The following B3GLCT variants were observed in gnomAD, a reference collection of about 807,000 sequenced individuals.
The protein encoded by B3GLCT is beta-1,3-glucosyltransferase.
Under a neutral mutation model 63.4 loss-of-function variants are expected in B3GLCT, and 65 were observed. That is an observed-to-expected ratio of 1.03 (90% confidence interval 0.84 to 1.26). B3GLCT has a LOEUF of 1.26. B3GLCT is among the 50% of genes most tolerant of loss of function. The probability of loss-of-function intolerance (pLI) is 0.00; values close to 1 mark genes in which losing one functional copy is unlikely to be tolerated. For synonymous variants in B3GLCT, 233 were observed against 219.2 expected, an observed-to-expected ratio of 1.06 and a Z score of -0.55; for missense variants, 577 against 604.8, an observed-to-expected ratio of 0.95 and a Z score of 0.48.
At chr13:31,250,466 C>T (rs530070628) in intron 6 of B3GLCT, among the ~76,000 whole-genome samples, 49 of 152,246 alleles carry the variant, frequency 3.2e-4, no homozygotes, top group Non-Finnish European at 5.4e-4. Flanking sequence ...GGAGCCACCA[C>T]ACCTGGCCTA....
chr13:31,235,087 T>A (rs1870581154), intron 4 of B3GLCT, among the ~76,000 whole-genome samples: 1 of 151,850 alleles, frequency 6.6e-6, no homozygotes, highest in Non-Finnish European at 1.5e-5. Context: ...TGGATCTGGC[T>A]GGGGGTGGCG....
At position 31,298,617 on chromosome 13, in the gene B3GLCT, ATTTCTC is replaced by A. The variant is rs144557620; in HGVS notation, c.1064+11806_1064+11811del. ...ATTCATTCCTTTACCCTCAACTACT[ATTTCTC>A]TTTCTCTCCGTTAATACCCAAATGT... On this transcript the variant is annotated intron_variant, in intron 12 of 14. Transcript: ENST00000343307. 2.5e-3 allele frequency among the ~76,000 whole-genome samples: 382 copies of A among 152,198 alleles called. 2 individuals are homozygous for A. Among genetic ancestry groups the A allele is most frequent in the African/African-American group, 8.8e-3 (364 of 41,516 alleles).
intron 4 of B3GLCT, among the ~76,000 whole-genome samples, chr13:31,244,942 C>T (rs1250245651): frequency 6.7e-6 from 1 of 149,446 alleles, no homozygotes; most frequent in African/African-American, 2.5e-5. Context: ...GTGTTATTAA[C>T]AAGGCATGCT....
chr13:31,287,168 G>A (rs1409551593), intron 12 of B3GLCT, among the ~76,000 whole-genome samples: 1 of 152,158 alleles, frequency 6.6e-6, no homozygotes, highest in Admixed American at 6.5e-5. Context: ...AGAGTCTCAG[G>A]AGACCAAGGC....
At chr13:31,274,892 C>T (rs1872712573) in intron 9 of B3GLCT, among the ~76,000 whole-genome samples, 1 of 152,108 alleles carries the variant, frequency 6.6e-6, no homozygotes, top group Admixed American at 6.6e-5. Flanking sequence ...TCTGTTGTTC[C>T]TATTTTTATG....
chr13:31,231,256 G>T (rs576054883), intron 4 of B3GLCT, among the ~76,000 whole-genome samples: 14 of 152,230 alleles, frequency 9.2e-5, no homozygotes, highest in South Asian at 4.1e-4. Context: ...ACTGGATTTT[G>T]CTCAGTCAGA....
chr13:31,224,701 T>C (rs1870002890), intron 3 of B3GLCT, among the ~76,000 whole-genome samples: 1 of 152,200 alleles, frequency 6.6e-6, no homozygotes, highest in South Asian at 2.1e-4. Flanking sequence ...GTAAACATAA[T>C]TGGAGTGGCC....
At chr13:31,264,365 C>T (rs1355479) in intron 7 of B3GLCT, among the ~76,000 whole-genome samples, 7,100 of 152,210 alleles carry the variant, frequency 0.047, 178 homozygotes, top group Non-Finnish European at 0.051. Context: ...TAGCCTTCTG[C>T]ATGGTGTGTC....
At chr13:31,233,851 A>G (rs1054856529) in intron 4 of B3GLCT, among the ~76,000 whole-genome samples, 3 of 152,164 alleles carry the variant, frequency 2.0e-5, no homozygotes, top group Admixed American at 6.5e-5. Context: ...CACTTAGTCT[A>G]CAGAATTTAT....
At chr13:31,326,766 C>G (rs1369700671) in intron 14 of B3GLCT, among the ~76,000 whole-genome samples, 1 of 152,090 alleles carries the variant, frequency 6.6e-6, no homozygotes, top group Admixed American at 6.5e-5. Flanking sequence ...TTAAAGATAC[C>G]ATTTTGGATG....
intron 10 of B3GLCT, among the ~76,000 whole-genome samples, chr13:31,279,285 T>A (rs534025405): frequency 6.6e-6 from 1 of 151,994 alleles, no homozygotes; most frequent in Non-Finnish European, 1.5e-5. Flanking sequence ...GTCTGGGGTG[T>A]TGGATTTTTT....
rs915255189 is a variant in B3GLCT, at chr13:31,332,006, A to G, written c.*2338A>G. On this transcript the variant is annotated 3_prime_UTR_variant, in exon 15 of 15. Transcript: ENST00000343307. Reference sequence around the variant, plus strand: ...CTATGTAGGATTTTTACATCTTGAAACTAAATCAGAAATCCAGACATGAAA... The same window carrying G: ...CTATGTAGGATTTTTACATCTTGAAGCTAAATCAGAAATCCAGACATGAAA... 1.3e-5 allele frequency: 2 copies of G among 152,214 alleles called. No individual in the cohort carries two copies. The allele number at this position is 152,214 out of a possible 1,614,324, so 9.4% of individuals were successfully genotyped here.
At chr13:31,214,941 T>C (rs1869473633) in intron 1 of B3GLCT, 110 bp from the exon 2 acceptor site, 1 of 1,083,874 alleles carries the variant, frequency 9.2e-7, no homozygotes. Context: ...ATGAGCAAAA[T>C]ATGTCTTGTT....
chr13:31,217,595 T>G (rs920340919), intron 2 of B3GLCT, among the ~76,000 whole-genome samples: 6 of 152,194 alleles, frequency 3.9e-5, no homozygotes, highest in African/African-American at 1.4e-4. Flanking sequence ...AGTCTTTAAT[T>G]CATCTTGAGT....
chr13:31,278,482 T>C (rs1028723787), intron 10 of B3GLCT, among the ~76,000 whole-genome samples: 2 of 152,212 alleles, frequency 1.3e-5, no homozygotes, highest in African/African-American at 4.8e-5. Context: ...ATGCATTGAT[T>C]TACTGCTGTT....
At chr13:31,252,781 C>A (rs1205695658) in intron 6 of B3GLCT, among the ~76,000 whole-genome samples, 2 of 152,158 alleles carry the variant, frequency 1.3e-5, no homozygotes, top group African/African-American at 4.8e-5. Flanking sequence ...TAACACCCCA[C>A]TGTCAGTATT....
intron 2 of B3GLCT, among the ~76,000 whole-genome samples, chr13:31,220,340 G>A (rs1240857892): frequency 6.6e-6 from 1 of 152,214 alleles, no homozygotes; most frequent in African/African-American, 2.4e-5. Context: ...TGACTTTAAT[G>A]TGCCTTTTCC....
chr13:31,281,143 C>G (rs573250579), intron 10 of B3GLCT, among the ~76,000 whole-genome samples: 3 of 152,074 alleles, frequency 2.0e-5, no homozygotes, highest in African/African-American at 7.2e-5. Context: ...TTTTGTTCAT[C>G]AAATGGTGGG....
chr13:31,280,381 G>C (rs1003378741), intron 10 of B3GLCT, among the ~76,000 whole-genome samples: 1 of 152,136 alleles, frequency 6.6e-6, no homozygotes, highest in African/African-American at 2.4e-5. Flanking sequence ...CTGACTTCCC[G>C]CAACACTCTG....
Sources: allele counts gnomAD v4.1 joint callset (sites outside exome capture counted in the v4.1 genomes callset), GRCh38; gene constraint gnomAD v4.1.1; transcripts MANE v1.5; gene names NCBI Gene and HGNC (gene_info 2026-07-23, HGNC 2026-07-21).